The following SH2D2A variants were observed in gnomAD, a reference collection of about 807,000 sequenced individuals.
SH2D2A encodes SH2 domain containing 2A.
Under a neutral mutation model 43.6 loss-of-function variants are expected in SH2D2A, and 33 were observed. The ratio of observed to expected loss-of-function variants is 0.76; its 90% CI spans 0.57 to 1.01. The LOEUF (loss-of-function observed/expected upper bound fraction) is 1.01, where lower values mean the gene tolerates loss of function less well. Ranked by LOEUF, SH2D2A falls within the 50% of genes least tolerant of loss-of-function variation. The pLI, the probability that SH2D2A is intolerant of heterozygous loss-of-function variation, is 0.00. For synonymous variants in SH2D2A, 212 were observed against 206.1 expected (o/e 1.03, Z -0.25); for missense variants, 491 against 503.1 (o/e 0.98, Z 0.23).
chr1:156,814,925 T>C, intron 3 of SH2D2A, 112 bp downstream of exon 3: 1 of 951,524 alleles, frequency 1.1e-6, no homozygotes, highest in South Asian at 2.5e-5. Context: ...CGCCTCCATC[T>C]ACTCCAGACT....
rs1288547905 is a variant in SH2D2A at position 156,813,851 on chromosome 1, T to C, written c.564A>G (p.Arg188=). ...YGETLTEPLA[R]QTPEPAGLSL... ...GGTCAGGGTCTGGGGCGCGTACCTG[T>C]CGGGCGAGGGGCTCGGTGAGCGTCT... The change falls in exon 5 of 9, where the codon CGA becomes CGG. Residue 188 remains arginine (R), a synonymous_variant. Transcript: ENST00000368199. 2.0e-5 allele frequency: 30 copies of C among 1,482,836 alleles called. No homozygotes were observed. The highest frequency in any genetic ancestry group is 2.6e-5 in the Non-Finnish European group (29 of 1,116,286). The allele number at this position is 1,482,836 out of a possible 1,614,324, so 91.9% of individuals were successfully genotyped here.
At position 156,814,188 on chromosome 1, in the gene SH2D2A, G is replaced by A. The variant is rs528129707; in HGVS notation, c.398+17C>T. 5.0e-6 allele frequency: 8 copies of A among 1,612,430 alleles called. No homozygotes were observed. In the Admixed American group the frequency reaches 8.3e-5, roughly 17 times the overall value. On this transcript the variant is annotated intron_variant, in intron 4 of 8. Transcript: ENST00000368199. ...AGCCCCGCCTTGTGTCGCCCGGCGCGGGGCCTCGCCCCTCACCTGTAAGTC... is the reference window on the plus strand; with the variant it reads ...AGCCCCGCCTTGTGTCGCCCGGCGCAGGGCCTCGCCCCTCACCTGTAAGTC...
Position 156,807,279 on chromosome 1 carries a change from G to T in SH2D2A, c.1069C>A (p.Gln357Lys). The change falls in exon 8 of 9, where the codon CAG (glutamine) becomes AAG (lysine). Residue 357 changes from glutamine (Q) to lysine (K), a missense_variant. Transcript: ENST00000368199. This position sits in a 1 kb window ranked among gnomAD's most constrained non-coding sequence, Gnocchi z 5.1. ...GTGTGTCTCCAGGCGGGTGGGGGCT[G>T]GTGGGGCAGGGGAGGGCCTTGCCCA... is the stretch of plus-strand genomic sequence containing the variant. ...VIGQGPPLPH[Q>K]PPPAWRHTLP... The T allele has an allele frequency of 6.3e-7, 1 of 1,592,538 alleles. No homozygotes were observed. Among genetic ancestry groups the T allele is most frequent in the Non-Finnish European group, 8.5e-7 (1 of 1,173,502 alleles).
intron 5 of SH2D2A, among the ~76,000 whole-genome samples, chr1:156,811,893 T>C (rs1335657754): frequency 3.3e-5 from 5 of 152,176 alleles, no homozygotes; most frequent in Non-Finnish European, 7.3e-5. Flanking sequence ...CTAAAGGTTT[T>C]AGAGTCCATC....
chr1:156,810,063 T>C (rs1176591711), intron 5 of SH2D2A, among the ~76,000 whole-genome samples: 1 of 152,112 alleles, frequency 6.6e-6, no homozygotes, highest in Non-Finnish European at 1.5e-5. Flanking sequence ...TAAGATAGAG[T>C]CTCACTCTGT....
chr1:156,809,115 G>A lies in SH2D2A; in HGVS notation c.1002+88C>T. 7.4e-7 allele frequency: 1 copy of A among 1,358,840 alleles called. No homozygotes were observed. Among genetic ancestry groups the A allele is most frequent in the Non-Finnish European group, 1.0e-6 (1 of 985,004 alleles). 84.2% of individuals were successfully genotyped at this position (1,358,840 alleles called of 1,614,324 possible). A position where few individuals can be genotyped will look rare whatever the true frequency, so the allele number is the denominator to read the frequency against. The stretch of plus-strand genomic sequence containing the variant: ...ACCTCTGCCCCTTACCCTGCCCCAG[G>A]CATCCACTCTGAACACCTTCTTCAC... On this transcript the variant is annotated intron_variant, in intron 7 of 8. Coordinates refer to ENST00000368199, the MANE Select transcript of SH2D2A (RefSeq NM_003975.4). This position sits in a 1 kb window ranked among gnomAD's most constrained non-coding sequence, Gnocchi z 4.8.
Position 156,814,202 on chromosome 1 carries a change from C to T in SH2D2A, c.398+3G>A. ...TCGCCCGGCGCGGGGCCTCGCCCCT[C>T]ACCTGTAAGTCAGCACGAAGGTCAC... On this transcript the variant is annotated splice_donor_region_variant and intron_variant, in intron 4 of 8. Coordinates refer to ENST00000368199, the MANE Select transcript of SH2D2A (RefSeq NM_003975.4). The T allele has an allele frequency of 1.2e-6, 2 of 1,613,480 alleles. No homozygotes were observed. Among genetic ancestry groups the T allele is most frequent in the East Asian group, 2.2e-5 (1 of 44,874 alleles).
intron 7 of SH2D2A, among the ~76,000 whole-genome samples, chr1:156,808,489 G>A (rs944642424): frequency 2.0e-5 from 3 of 152,130 alleles, no homozygotes; most frequent in African/African-American, 7.2e-5. Context: ...GGGTGAGCGC[G>A]AGCAGGCTCA....
chr1:156,811,388 A>C (rs1461644609), intron 5 of SH2D2A, among the ~76,000 whole-genome samples: 1 of 152,226 alleles, frequency 6.6e-6, no homozygotes, highest in East Asian at 1.9e-4. Flanking sequence ...CTTGGGTGGC[A>C]GCCCATTGCC....
chr1:156,814,115 T>C, intron 4 of SH2D2A, 90 bp downstream of exon 4: 2 of 1,550,388 alleles, frequency 1.3e-6, no homozygotes, highest in South Asian at 2.4e-5. Context: ...GGGAATGAGC[T>C]AAGAGCCCGG....
chr1:156,813,847 C>A lies in SH2D2A; in HGVS notation c.567+1G>T. On this transcript the variant is annotated splice_donor_variant, in intron 5 of 8. Coordinates refer to ENST00000368199, the MANE Select transcript of SH2D2A (RefSeq NM_003975.4). LOFTEE classifies it high-confidence loss of function. Reference sequence around the variant, plus strand: ...CTCTGGTCAGGGTCTGGGGCGCGTACCTGTCGGGCGAGGGGCTCGGTGAGC... The same window carrying A: ...CTCTGGTCAGGGTCTGGGGCGCGTAACTGTCGGGCGAGGGGCTCGGTGAGC... The A allele has an allele frequency of 1.4e-6, 2 of 1,478,350 alleles. No individual in the cohort carries two copies. The highest frequency in any genetic ancestry group is 1.8e-6 in the Non-Finnish European group (2 of 1,113,986). The allele number at this position is 1,478,350 out of a possible 1,614,324, so 91.6% of individuals were successfully genotyped here. A position where few individuals can be genotyped will look rare whatever the true frequency, so the allele number is the denominator to read the frequency against.
chr1:156,816,736 G>C lies in SH2D2A; in HGVS notation c.-28C>G, dbSNP rs770801034. 6.9e-6 allele frequency: 11 copies of C among 1,586,526 alleles called. No homozygotes were observed. In the East Asian group the frequency reaches 1.9e-4, roughly 27 times the overall value. On this transcript the variant is annotated 5_prime_UTR_variant, in exon 1 of 9. Coordinates refer to ENST00000368199, the MANE Select transcript of SH2D2A (RefSeq NM_003975.4). ...GGGCAGCCTCACAAGGGATCCCAGA[G>C]CAGGGTGTGTGTATGTGTTCCGGAA... is the stretch of plus-strand genomic sequence containing the variant.
intron 7 of SH2D2A, among the ~76,000 whole-genome samples, chr1:156,808,034 C>T (rs913164185): frequency 6.6e-6 from 1 of 152,052 alleles, no homozygotes; most frequent in Admixed American, 6.5e-5. Context: ...TGAGGTGGCT[C>T]GAGCCTGTAA....
rs114004093 is a variant in SH2D2A at position 156,815,954 on chromosome 1, G to T, written c.123+52C>A. The T allele has an allele frequency of 3.7e-4, 578 of 1,567,740 alleles. 1 individual carries two copies. The African/African-American group carries it at 6.7e-3, about 18-fold the overall frequency. ...TCTGCAAGTCCTTCCCCATGGGAGGGTGGGAGAGATGAGGGAGCTGCACCA... is the reference window on the plus strand; with the variant it reads ...TCTGCAAGTCCTTCCCCATGGGAGGTTGGGAGAGATGAGGGAGCTGCACCA... On this transcript the variant is annotated intron_variant, in intron 2 of 8. Transcript: ENST00000368199.
intron 1 of SH2D2A, 136 bp from the exon 2 acceptor site, chr1:156,816,230 G>T: frequency 7.2e-7 from 1 of 1,396,364 alleles, no homozygotes; most frequent in Non-Finnish European, 9.5e-7. Context: ...CAGAAGGGCA[G>T]CAGGGGAGTT....
intron 1 of SH2D2A, among the ~76,000 whole-genome samples, chr1:156,816,330 A>G (rs1385418048): frequency 6.6e-6 from 1 of 152,134 alleles, no homozygotes; most frequent in Non-Finnish European, 1.5e-5. Flanking sequence ...CTAGAAGGAG[A>G]GGCTGGGAGT....
intron 2 of SH2D2A, 160 bp from the exon 3 acceptor site, chr1:156,815,381 C>G: frequency 1.7e-6 from 1 of 604,582 alleles, no homozygotes; most frequent in South Asian, 2.5e-5. Flanking sequence ...TAACTTAAAT[C>G]CCTTCTTCAG....
chr1:156,809,621 G>A lies in SH2D2A; in HGVS notation c.714+40C>T, dbSNP rs1327520792. On this transcript the variant is annotated intron_variant, in intron 6 of 8. Coordinates refer to ENST00000368199, the MANE Select transcript of SH2D2A (RefSeq NM_003975.4). The surrounding 1 kb of genome is among the most constrained non-coding windows in gnomAD (Gnocchi z 4.8). ...TCCCCGCTGCCTGCACCCCCTCGCA[G>A]GCCTGTCCTCCCACTCCCTCAGCCC... The A allele has an allele frequency of 2.5e-6, 4 of 1,585,466 alleles. No individual in the cohort carries two copies. In the African/African-American group the frequency reaches 5.4e-5, roughly 22 times the overall value.
At position 156,809,873 on chromosome 1, in the gene SH2D2A, G is replaced by C; in HGVS notation, c.568-66C>G. 6.4e-7 allele frequency: 1 copy of C among 1,573,086 alleles called. No homozygotes were observed. Among genetic ancestry groups the C allele is most frequent in the South Asian group, 1.1e-5 (1 of 88,706 alleles). On this transcript the variant is annotated intron_variant, in intron 5 of 8. Transcript: ENST00000368199. The surrounding 1 kb of genome is among the most constrained non-coding windows in gnomAD (Gnocchi z 4.8). ...TTGGGGTGGGGGAGGTGATCAGGAG[G>C]ACAAAATAATCCAGTCTAAGTGGAG...
Sources: allele counts gnomAD v4.1 joint callset (sites outside exome capture counted in the v4.1 genomes callset), GRCh38; gene constraint gnomAD v4.1.1; non-coding constraint Gnocchi (gnomAD v3.1); transcripts MANE v1.5; gene names NCBI Gene and HGNC (gene_info 2026-07-23, HGNC 2026-07-21).